Variants in BMPR1B observed in about 807,000 individuals in gnomAD.
The protein encoded by BMPR1B is bone morphogenetic protein receptor type 1B.
A neutral mutation model predicts 59.1 loss-of-function variants in BMPR1B; 12 were observed. The observed-to-expected ratio is 0.20, with a 90% CI of 0.13 to 0.33. The LOEUF is 0.33. Among genes scored for constraint, BMPR1B ranks in the 10% least tolerant of loss-of-function variants. The probability of loss-of-function intolerance (pLI) is 1.00; values close to 1 mark genes in which losing one functional copy is unlikely to be tolerated. For missense variants in BMPR1B, 550 were observed against 610.9 expected, an observed-to-expected ratio of 0.90 and a Z score of 1.05; for synonymous variants, 237 against 207.3, an observed-to-expected ratio of 1.14 and a Z score of -1.23.
intron 11 of BMPR1B, among the ~76,000 whole-genome samples, chr4:95,151,313 C>A (rs1362371124): frequency 6.6e-6 from 1 of 152,108 alleles, no homozygotes; most frequent in Non-Finnish European, 1.5e-5. Flanking sequence ...ATACACCTAC[C>A]CCACCCCATC....
chr4:95,090,300 T>C (rs550210267), intron 3 of BMPR1B, among the ~76,000 whole-genome samples: 2 of 151,932 alleles, frequency 1.3e-5, no homozygotes, highest in South Asian at 4.1e-4. Flanking sequence ...TTACATTTTA[T>C]AAAAATTATA....
intron 2 of BMPR1B, among the ~76,000 whole-genome samples, chr4:94,992,622 C>T (rs1430788080): frequency 2.0e-5 from 3 of 152,222 alleles, no homozygotes; most frequent in Non-Finnish European, 4.4e-5. Flanking sequence ...AATACTTCTA[C>T]TCCCTCTAGA....
At chr4:95,071,650 G>GTATATATATATATATATATATATA (rs1459082558) in intron 3 of BMPR1B, among the ~76,000 whole-genome samples, 27 of 78,434 alleles carry the variant, frequency 3.4e-4, no homozygotes, top group Admixed American at 7.4e-4. Context: ...GTGTGTGTGT[G>GTATATATATATATATATATATATA]TGTATATATA....
intron 3 of BMPR1B, among the ~76,000 whole-genome samples, chr4:95,023,912 G>T (rs991740784): frequency 2.6e-5 from 4 of 152,138 alleles, no homozygotes; most frequent in Non-Finnish European, 5.9e-5. Context: ...GACAATATTG[G>T]GAGGCATAAG....
chr4:94,985,960 G>A (rs944973593), intron 2 of BMPR1B, among the ~76,000 whole-genome samples: 3 of 152,148 alleles, frequency 2.0e-5, no homozygotes, highest in Non-Finnish European at 2.9e-5. Flanking sequence ...AAGCACCATG[G>A]ATCCCTTAGT....
At chr4:94,888,228 G>A (rs1015685273) in intron 2 of BMPR1B, among the ~76,000 whole-genome samples, 9 of 151,950 alleles carry the variant, frequency 5.9e-5, no homozygotes, top group African/African-American at 9.7e-5. Context: ...TTCTTCCTGA[G>A]GAATCTATTA....
intron 4 of BMPR1B, among the ~76,000 whole-genome samples, chr4:95,106,139 T>C (rs1323423752): frequency 6.6e-6 from 1 of 151,554 alleles, no homozygotes; most frequent in Non-Finnish European, 1.5e-5. Context: ...GTACAGGGAG[T>C]AGGATCAGGG....
At chr4:95,079,070 T>C (rs528699760) in intron 3 of BMPR1B, among the ~76,000 whole-genome samples, 1 of 152,276 alleles carries the variant, frequency 6.6e-6, no homozygotes, top group South Asian at 2.1e-4. Flanking sequence ...AAATCTCTAT[T>C]TCTTGAGTTT....
intron 10 of BMPR1B, among the ~76,000 whole-genome samples, chr4:95,145,917 C>T (rs1049660091): frequency 6.6e-6 from 1 of 152,170 alleles, no homozygotes; most frequent in African/African-American, 2.4e-5. Flanking sequence ...CCCATGCAGT[C>T]CAGAGATTTT....
intron 1 of BMPR1B, among the ~76,000 whole-genome samples, chr4:94,804,590 C>CTT (rs5860375): frequency 0.089 from 10,785 of 121,444 alleles, 1,018 homozygotes; most frequent in African/African-American, 0.17. Flanking sequence ...CTTTGTAATA[C>CTT]TTTTTTTTTT....
intron 1 of BMPR1B, among the ~76,000 whole-genome samples, chr4:94,774,421 G>T (rs1722293825): frequency 6.6e-6 from 1 of 151,962 alleles, no homozygotes; most frequent in South Asian, 2.1e-4. Flanking sequence ...GGTTCATGAT[G>T]ATAAAATCTT....
chr4:94,873,470 G>A (rs1025427207), intron 1 of BMPR1B, among the ~76,000 whole-genome samples: 5 of 150,940 alleles, frequency 3.3e-5, no homozygotes, highest in South Asian at 2.1e-4. Flanking sequence ...GCAGTGGCGC[G>A]ATCTCGGCTC....
At chr4:95,003,609 G>A (rs1377367574) in intron 3 of BMPR1B, among the ~76,000 whole-genome samples, 1 of 151,894 alleles carries the variant, frequency 6.6e-6, no homozygotes, top group Admixed American at 6.6e-5. Context: ...TTTACAAGGG[G>A]TGCCTGTATG....
intron 2 of BMPR1B, among the ~76,000 whole-genome samples, chr4:94,922,193 T>C (rs1728715376): frequency 1.3e-5 from 2 of 152,150 alleles, no homozygotes; most frequent in Non-Finnish European, 2.9e-5. Flanking sequence ...CCATCTGGTA[T>C]TGAACTCCTG....
chr4:94,848,365 G>A, intron 1 of BMPR1B, among the ~76,000 whole-genome samples: 1 of 152,160 alleles, frequency 6.6e-6, no homozygotes, highest in Admixed American at 6.5e-5. Flanking sequence ...ATTAATCACT[G>A]CTTTGACTTT....
chr4:95,129,323 C>T (rs1335179783), intron 8 of BMPR1B, among the ~76,000 whole-genome samples: 1 of 151,998 alleles, frequency 6.6e-6, no homozygotes, highest in African/African-American at 2.4e-5. Flanking sequence ...TGTTCTTTGC[C>T]CAGACGGCAG....
chr4:94,882,965 T>TGC (rs1560530727), intron 2 of BMPR1B, among the ~76,000 whole-genome samples: 1 of 141,752 alleles, frequency 7.1e-6, no homozygotes, highest in East Asian at 2.0e-4. Flanking sequence ...TGTGTGTGTG[T>TGC]GCGTGTGTGT....
intron 1 of BMPR1B, among the ~76,000 whole-genome samples, chr4:94,858,095 A>G (rs6840962): frequency 0.61 from 91,829 of 151,102 alleles, 28,526 homozygotes; most frequent in African/African-American, 0.74. Context: ...ACAGGTGCCC[A>G]CCACCACGCC....
chr4:94,841,680 C>T (rs564673266), intron 1 of BMPR1B, among the ~76,000 whole-genome samples: 1 of 152,252 alleles, frequency 6.6e-6, no homozygotes, highest in South Asian at 2.1e-4. Flanking sequence ...TTGAGATGAA[C>T]CCGGTACCTC....
Sources: allele counts gnomAD v4.1 joint callset (sites outside exome capture counted in the v4.1 genomes callset), GRCh38; gene constraint gnomAD v4.1.1; transcripts MANE v1.5; gene names NCBI Gene and HGNC (gene_info 2026-07-23, HGNC 2026-07-21).